The following CHRM5 variants were observed in gnomAD, a reference collection of about 807,000 sequenced individuals.
CHRM5 encodes the protein muscarinic acetylcholine receptor M5.
CHRM5 carries 18 observed loss-of-function variants against 39.0 expected under a neutral mutation model. The ratio of observed to expected loss-of-function variants is 0.46; its 90% CI spans 0.32 to 0.68. The LOEUF (loss-of-function observed/expected upper bound fraction) is 0.68, where lower values mean the gene tolerates loss of function less well. Ranked by LOEUF, CHRM5 falls within the 30% of genes least tolerant of loss-of-function variation. The probability of loss-of-function intolerance (pLI) is 0.04; values close to 1 mark genes in which losing one functional copy is unlikely to be tolerated. For missense variants in CHRM5, 515 were observed against 651.1 expected, an observed-to-expected ratio of 0.79 and a Z score of 2.28; for synonymous variants, 241 against 246.3, an observed-to-expected ratio of 0.98 and a Z score of 0.20.
At chr15:33,981,494 A>G (rs896875730) in intron 1 of CHRM5, among the ~76,000 whole-genome samples, 3 of 152,198 alleles carry the variant, frequency 2.0e-5, no homozygotes, top group African/African-American at 7.2e-5. Flanking sequence ...GATACTAAAA[A>G]TGGGGGGAAG....
intron 1 of CHRM5, among the ~76,000 whole-genome samples, chr15:34,024,410 G>GAGGCCA (rs1898346562): frequency 6.6e-6 from 1 of 150,540 alleles, no homozygotes; most frequent in Non-Finnish European, 1.5e-5. Flanking sequence ...AGCATTTTGG[G>GAGGCCA]AGGCCAAGGC....
intron 1 of CHRM5, among the ~76,000 whole-genome samples, chr15:34,034,973 T>C (rs1270292118): frequency 1.3e-5 from 2 of 152,230 alleles, no homozygotes; most frequent in African/African-American, 4.8e-5. Flanking sequence ...GACAAGCGGC[T>C]GGTGGCTACT....
chr15:34,015,536 TAATACAATCTC>T (rs927050156), intron 1 of CHRM5, among the ~76,000 whole-genome samples: 2 of 152,158 alleles, frequency 1.3e-5, no homozygotes, highest in Admixed American at 6.5e-5. Flanking sequence ...TGTTTTATTA[TAATACAATCTC>T]ACTGTTTTAG....
At chr15:33,986,692 T>A (rs1266320996) in intron 1 of CHRM5, among the ~76,000 whole-genome samples, 1 of 152,130 alleles carries the variant, frequency 6.6e-6, no homozygotes, top group Non-Finnish European at 1.5e-5. Context: ...AGTCTCACTC[T>A]GTCACCTAGG....
In CHRM5 at chr15:33,969,017, AT is replaced by A. The variant is rs1895514591; in HGVS notation, c.-540del. 1 of 152,106 alleles carries A rather than the reference AT, an allele frequency of 6.6e-6. No individual in the cohort carries two copies. The highest frequency in any genetic ancestry group is 1.5e-5 in the Non-Finnish European group (1 of 67,958). The allele number at this position is 152,106 out of a possible 1,614,324, so 9.4% of individuals were successfully genotyped here. The stretch of plus-strand genomic sequence containing the variant: ...CTACAGGATTATCAGGAATACAGAT[AT>A]AAAGACACTGCAAGAAATAAAACAC... On this transcript the variant is annotated 5_prime_UTR_variant, in exon 1 of 3. The change creates a premature stop within an existing upstream ORF in the 5' untranslated region. Coordinates refer to ENST00000383263, the MANE Select transcript of CHRM5 (RefSeq NM_012125.4).
At chr15:34,010,623 G>C (rs1897597379) in intron 1 of CHRM5, among the ~76,000 whole-genome samples, 2 of 152,074 alleles carry the variant, frequency 1.3e-5, no homozygotes, top group Non-Finnish European at 2.9e-5. Flanking sequence ...CTCACAAAAG[G>C]TAAATTATAT....
chr15:34,010,977 G>C (rs951961358), intron 1 of CHRM5, among the ~76,000 whole-genome samples: 1 of 151,994 alleles, frequency 6.6e-6, no homozygotes, highest in Non-Finnish European at 1.5e-5. Context: ...TTTAACAATA[G>C]AAAAACTCAT....
intron 1 of CHRM5, among the ~76,000 whole-genome samples, chr15:33,994,062 G>T (rs1306278854): frequency 6.6e-6 from 1 of 152,206 alleles, no homozygotes; most frequent in Non-Finnish European, 1.5e-5. Context: ...AGAACAGGGG[G>T]TCCCCCACCC....
At chr15:34,019,947 A>G (rs1425483314) in intron 1 of CHRM5, among the ~76,000 whole-genome samples, 1 of 152,232 alleles carries the variant, frequency 6.6e-6, no homozygotes, top group Non-Finnish European at 1.5e-5. Flanking sequence ...TTTTGTATGC[A>G]ATTACATTTT....
At position 34,067,060 on chromosome 15, in the gene CHRM5, C is replaced by G. The variant is rs1459421341; in HGVS notation, c.*2744C>G. 6.6e-6 allele frequency: 1 copy of G among 152,122 alleles called. No homozygotes were observed. Among genetic ancestry groups the G allele is most frequent in the Non-Finnish European group, 1.5e-5 (1 of 68,036 alleles). The allele number at this position is 152,122 out of a possible 1,614,324, so 9.4% of individuals were successfully genotyped here. A position where few individuals can be genotyped will look rare whatever the true frequency, so the allele number is the denominator to read the frequency against. Reference sequence around the variant, plus strand: ...GCATGGCCTGACTTGAGATCTTAGGCCTTCTATGCCCCCAGTCTTCCAGGC... The same window carrying G: ...GCATGGCCTGACTTGAGATCTTAGGGCTTCTATGCCCCCAGTCTTCCAGGC... On this transcript the variant is annotated 3_prime_UTR_variant, in exon 3 of 3. Coordinates refer to ENST00000383263, the MANE Select transcript of CHRM5 (RefSeq NM_012125.4).
intron 1 of CHRM5, among the ~76,000 whole-genome samples, chr15:34,026,649 G>T (rs1187426310): frequency 6.6e-6 from 1 of 151,986 alleles, no homozygotes; most frequent in Non-Finnish European, 1.5e-5. Flanking sequence ...TCAGAACAAG[G>T]ATCACTGAGG....
rs1271885825 is a variant in CHRM5, at chr15:34,063,543, A to G, written c.826A>G (p.Arg276Gly). Reference protein sequence around the residue: ...RNQASWSSSRRSTSTTGKPSQ... With the variant: ...RNQASWSSSRGSTSTTGKPSQ... ...CCAGGCCTCCTGGTCATCCTCCCGC[A>G]GGAGCACCTCCACCACTGGGAAGCC... The change falls in exon 3 of 3, where the codon AGG (arginine) becomes GGG (glycine). Residue 276 changes from arginine to glycine, a missense_variant. Coordinates refer to ENST00000383263, the MANE Select transcript of CHRM5 (RefSeq NM_012125.4). The surrounding 1 kb of genome is among the most constrained non-coding windows in gnomAD (Gnocchi z 4.1). 3.7e-6 allele frequency: 6 copies of G among 1,613,514 alleles called. No individual in the cohort carries two copies. The African/African-American group carries it at 8.0e-5, about 22-fold the overall frequency.
intron 1 of CHRM5, among the ~76,000 whole-genome samples, chr15:34,026,989 G>A (rs1898505942): frequency 7.0e-6 from 1 of 142,040 alleles, no homozygotes; most frequent in East Asian, 2.5e-4. Flanking sequence ...AGTGGCAATG[G>A]CTGCTTCAAA....
rs1304669583 is a variant in CHRM5, at chr15:34,067,165, C to T, written c.*2849C>T. 6.6e-6 allele frequency: 1 copy of T among 152,170 alleles called. No homozygotes were observed. Among genetic ancestry groups the T allele is most frequent in the Non-Finnish European group, 1.5e-5 (1 of 68,026 alleles). The allele number at this position is 152,170 out of a possible 1,614,324, so 9.4% of individuals were successfully genotyped here. A position where few individuals can be genotyped will look rare whatever the true frequency, so the allele number is the denominator to read the frequency against. ...ACTTTGCTATCATTGTAATTTGTTTCCCCTTGGCTGTGAATTTGATGACTT... is the reference window on the plus strand; with the variant it reads ...ACTTTGCTATCATTGTAATTTGTTTTCCCTTGGCTGTGAATTTGATGACTT... On this transcript the variant is annotated 3_prime_UTR_variant, in exon 3 of 3. Coordinates refer to ENST00000383263, the MANE Select transcript of CHRM5 (RefSeq NM_012125.4).
intron 1 of CHRM5, among the ~76,000 whole-genome samples, chr15:33,997,680 C>T (rs2140601148): frequency 6.6e-6 from 1 of 152,062 alleles, no homozygotes; most frequent in East Asian, 1.9e-4. Context: ...TTTACTGCCC[C>T]TCATCTTCTC....
intron 2 of CHRM5, among the ~76,000 whole-genome samples, chr15:34,054,844 A>G (rs936025659): frequency 7.9e-5 from 12 of 151,852 alleles, no homozygotes; most frequent in African/African-American, 2.9e-4. Flanking sequence ...AACTTAAGAT[A>G]AATGTTGGGA....
intron 2 of CHRM5, among the ~76,000 whole-genome samples, chr15:34,052,048 A>C (rs1481439382): frequency 6.6e-6 from 1 of 152,210 alleles, no homozygotes; most frequent in African/African-American, 2.4e-5. Flanking sequence ...AACAAAAAAA[A>C]GAAAACTTCA....
chr15:33,976,911 T>G (rs1272506026), intron 1 of CHRM5, among the ~76,000 whole-genome samples: 1 of 152,162 alleles, frequency 6.6e-6, no homozygotes, highest in African/African-American at 2.4e-5. Flanking sequence ...TCCTGTGGTA[T>G]AGTGACATCC....
Position 34,063,427 on chromosome 15 carries a change from C to T in CHRM5, c.710C>T (p.Thr237Ile), listed in dbSNP as rs1231896104. 1.2e-6 allele frequency: 2 copies of T among 1,613,806 alleles called. No homozygotes were observed. Among genetic ancestry groups the T allele is most frequent in the Non-Finnish European group, 1.7e-6 (2 of 1,180,038 alleles). ...GACCTCCAGGGTTCTGACTCTGTGA[C>T]CAAAGCTGAGAAGAGAAAGCCAGCT... ...LADLQGSDSVTKAEKRKPAHR... is the reference protein window; with the variant it reads ...LADLQGSDSVIKAEKRKPAHR... Residue 237 changes from threonine to isoleucine, a missense_variant, in exon 3 of 3, where the codon ACC becomes ATC. Coordinates refer to ENST00000383263, the MANE Select transcript of CHRM5 (RefSeq NM_012125.4). This position sits in a 1 kb window ranked among gnomAD's most constrained non-coding sequence, Gnocchi z 4.1.
Sources: gnomAD v4.1 joint callset for allele counts (sites outside exome capture counted in the v4.1 genomes callset) on GRCh38, gnomAD v4.1.1 for gene constraint, Gnocchi (gnomAD v3.1) non-coding constraint, MANE v1.5 for transcripts, NCBI Gene and HGNC (gene_info 2026-07-23, HGNC 2026-07-21) for gene names.